Variants in CEP63 observed in about 807,000 individuals in gnomAD.
CEP63 encodes the protein centrosomal protein of 63 kDa.
In CEP63, 84 loss-of-function variants were observed where a neutral mutation model predicts 89.1. The observed-to-expected ratio is 0.94, with a 90% confidence interval of 0.79 to 1.13. The LOEUF is 1.13. Among genes scored for constraint, CEP63 ranks in the 50% most tolerant of loss-of-function variants. CEP63 has a pLI of 0.00. For synonymous variants in CEP63, 267 were observed against 272.5 expected (o/e 0.98, Z 0.20); for missense variants, 838 against 813.3 (o/e 1.03, Z -0.37).
chr3:134,538,566 T>TA (rs1407833955), intron 6 of CEP63, among the ~76,000 whole-genome samples: 2 of 144,020 alleles, frequency 1.4e-5, no homozygotes, highest in East Asian at 2.1e-4. Flanking sequence ...TATATATATA[T>TA]TTTTTTAACA....
the CEP63 span, among the ~76,000 whole-genome samples, chr3:134,739,402 C>A: frequency 1.3e-5 from 2 of 152,142 alleles, no homozygotes; most frequent in Admixed American, 6.6e-5. Context: ...TACCCTATGA[C>A]CCATCAAATT....
chr3:134,528,864 A>AC (rs1949284235), intron 3 of CEP63, among the ~76,000 whole-genome samples: 1 of 152,110 alleles, frequency 6.6e-6, no homozygotes, highest in Non-Finnish European at 1.5e-5. Flanking sequence ...CGAATAGTTA[A>AC]GACTCTTCAA....
chr3:134,638,590 C>G, the CEP63 span, among the ~76,000 whole-genome samples: 17 of 152,196 alleles, frequency 1.1e-4, no homozygotes, highest in African/African-American at 4.1e-4. Context: ...TTATTTTCTG[C>G]TAATCTTGAG....
At chr3:134,679,038 G>A in the CEP63 span, among the ~76,000 whole-genome samples, 7 of 150,680 alleles carry the variant, frequency 4.6e-5, no homozygotes, top group Admixed American at 5.1e-4. Context: ...TATACTGGGT[G>A]TTAAGAGATA....
the CEP63 span, among the ~76,000 whole-genome samples, chr3:134,753,328 T>C: frequency 6.6e-6 from 1 of 152,224 alleles, no homozygotes; most frequent in Non-Finnish European, 1.5e-5. Flanking sequence ...ATTGTCTCCC[T>C]GCGGTCAGTG....
chr3:134,528,464 T>C (rs980786909), intron 3 of CEP63, among the ~76,000 whole-genome samples: 1 of 152,126 alleles, frequency 6.6e-6, no homozygotes, highest in Non-Finnish European at 1.5e-5. Flanking sequence ...TCTTATGAAA[T>C]CATTTAAAGT....
At chr3:134,715,579 C>T in the CEP63 span, among the ~76,000 whole-genome samples, 1 of 150,502 alleles carries the variant, frequency 6.6e-6, no homozygotes. Flanking sequence ...GCAGATAGGC[C>T]CGGGGTCTCA....
chr3:134,507,344 T>C (rs918194216), intron 3 of CEP63, 58 bp downstream of exon 3: 352 of 1,317,148 alleles, frequency 2.7e-4, no homozygotes, highest in Non-Finnish European at 3.6e-4. Flanking sequence ...TTATATTAAA[T>C]GTGTTTCTTA....
Position 134,547,877 on chromosome 3 carries a change from G to A in CEP63, c.1067+405G>A, listed in dbSNP as rs527363848. Among the ~76,000 whole-genome samples the A allele has an allele frequency of 2.6e-5, 4 of 152,096 alleles. No homozygotes were observed. In the South Asian group the frequency reaches 8.3e-4, roughly 32 times the overall value. ...ACCTGCCTTGGCCTCCCAAAGTGCT[G>A]GGATTACAGGCATGAGTCACCGCAC... On this transcript the variant is annotated intron_variant, in intron 9 of 14. Transcript: ENST00000675561.
chr3:134,716,176 A>G, the CEP63 span, among the ~76,000 whole-genome samples: 332 of 152,336 alleles, frequency 2.2e-3, no homozygotes, highest in Non-Finnish European at 4.1e-3. Context: ...ATAAGATTCC[A>G]TTAATTACTC....
chr3:134,603,487 A>G, the CEP63 span: 1 of 1,122,784 alleles, frequency 8.9e-7, no homozygotes, highest in South Asian at 1.5e-5. Context: ...ATGCAGACTC[A>G]GTGGTGTCCA....
chr3:134,589,939 C>A (rs908106595), downstream of CEP63, among the ~76,000 whole-genome samples: 1 of 152,154 alleles, frequency 6.6e-6, no homozygotes, highest in Admixed American at 6.6e-5. Flanking sequence ...CAAATCATGT[C>A]TTTTCAGAAA....
the CEP63 span, among the ~76,000 whole-genome samples, chr3:134,751,124 C>T: frequency 6.6e-6 from 1 of 152,212 alleles, no homozygotes; most frequent in African/African-American, 2.4e-5. Flanking sequence ...ATGGACATTT[C>T]ATATAACTAG....
At chr3:134,503,588 A>G (rs544085714) in intron 2 of CEP63, among the ~76,000 whole-genome samples, 2 of 152,222 alleles carry the variant, frequency 1.3e-5, no homozygotes, top group South Asian at 2.1e-4. Context: ...TCACTTGTCC[A>G]GTGCTCAAAG....
At chr3:134,616,559 G>A in the CEP63 span, among the ~76,000 whole-genome samples, 3 of 152,216 alleles carry the variant, frequency 2.0e-5, no homozygotes, top group African/African-American at 4.8e-5. Flanking sequence ...TCAGGGGACC[G>A]TGAGCTATTG....
intron 2 of CEP63, among the ~76,000 whole-genome samples, chr3:134,497,411 G>T (rs1940493369): frequency 1.3e-5 from 2 of 152,034 alleles, no homozygotes; most frequent in South Asian, 2.1e-4. Flanking sequence ...TCATTCTGTT[G>T]TGCAGGCTGG....
At chr3:134,533,442 G>A (rs532953749) in intron 5 of CEP63, among the ~76,000 whole-genome samples, 7 of 152,332 alleles carry the variant, frequency 4.6e-5, no homozygotes, top group African/African-American at 1.4e-4. Flanking sequence ...CTCTGTATCA[G>A]ATTATTCTCA....
the CEP63 span, among the ~76,000 whole-genome samples, chr3:134,695,341 G>A: frequency 2.0e-5 from 3 of 152,248 alleles, no homozygotes; most frequent in Non-Finnish European, 2.9e-5. Context: ...AAACAACTCT[G>A]ATTGGAAAGA....
the CEP63 span, among the ~76,000 whole-genome samples, chr3:134,619,558 C>T: frequency 2.0e-5 from 3 of 152,206 alleles, no homozygotes; most frequent in African/African-American, 7.2e-5. Context: ...CTCTGCTAAT[C>T]CCCACCACAC....
Sources: gnomAD v4.1 joint callset for allele counts (sites outside exome capture counted in the v4.1 genomes callset) on GRCh38, gnomAD v4.1.1 for gene constraint, MANE v1.5 for transcripts, NCBI Gene and HGNC (gene_info 2026-07-23, HGNC 2026-07-21) for gene names.